Variants in AFF3 observed in about 807,000 individuals in gnomAD.
The protein encoded by AFF3 is ALF transcription elongation factor 3, also known as AF4/FMR2 family member 3.
A neutral mutation model predicts 129.7 loss-of-function variants in AFF3; 32 were observed. That is an observed-to-expected ratio of 0.25 (90% confidence interval 0.19 to 0.33). The LOEUF (loss-of-function observed/expected upper bound fraction) is 0.33, where lower values mean the gene tolerates loss of function less well. Ranked by LOEUF, AFF3 falls within the 10% of genes least tolerant of loss-of-function variation. The pLI, the probability that AFF3 is intolerant of heterozygous loss-of-function variation, is 1.00. For missense variants in AFF3, 1,373 were observed against 1,592.0 expected (o/e 0.86, Z 2.34); for synonymous variants, 644 against 635.4 (o/e 1.01, Z -0.20).
At chr2:99,691,350 C>A (rs1675632315) in intron 11 of AFF3, among the ~76,000 whole-genome samples, 2 of 152,310 alleles carry the variant, frequency 1.3e-5, no homozygotes, top group South Asian at 4.1e-4. Context: ...TGCTCCTGAA[C>A]TCCTGCAGCC....
chr2:99,554,851 C>T, intron 22 of AFF3, 119 bp from the exon 23 acceptor site: 1 of 1,144,912 alleles, frequency 8.7e-7, no homozygotes, highest in South Asian at 1.4e-5. Flanking sequence ...AGGAAAAAGG[C>T]ACCTTCAGAG....
intron 7 of AFF3, among the ~76,000 whole-genome samples, chr2:99,957,756 G>A (rs1028214244): frequency 6.6e-6 from 1 of 152,182 alleles, no homozygotes; most frequent in East Asian, 1.9e-4. Context: ...TTCACTGAAT[G>A]TGTGGAAACA....
At chr2:99,964,540 T>C (rs1677549011) in intron 7 of AFF3, among the ~76,000 whole-genome samples, 1 of 152,150 alleles carries the variant, frequency 6.6e-6, no homozygotes, top group African/African-American at 2.4e-5. Context: ...AAAAGTTATA[T>C]TTAAAAATCC....
chr2:99,583,828 G>A lies in AFF3; in HGVS notation c.2592-829C>T, dbSNP rs766381077. ...CTGCCTCAGCCTCCCGAGGACTCCCGAGTAGCTGGGATTACAGGTGCCTGC... is the reference window on the plus strand; with the variant it reads ...CTGCCTCAGCCTCCCGAGGACTCCCAAGTAGCTGGGATTACAGGTGCCTGC... On this transcript the variant is annotated intron_variant, in intron 16 of 24. Transcript: ENST00000672756. Among the ~76,000 whole-genome samples the A allele has an allele frequency of 3.8e-4, 58 of 152,122 alleles. 1 individual carries two copies. The highest frequency in any genetic ancestry group is 2.4e-3 in the Admixed American group (37 of 15,264).
intron 11 of AFF3, among the ~76,000 whole-genome samples, chr2:99,697,494 TGAGGAA>T (rs1369288510): frequency 6.6e-6 from 1 of 152,222 alleles, no homozygotes; most frequent in East Asian, 1.9e-4. Flanking sequence ...GCAAATATAG[TGAGGAA>T]GAGCAATTTG....
intron 13 of AFF3, among the ~76,000 whole-genome samples, chr2:99,644,911 C>A (rs995356133): frequency 2.0e-5 from 3 of 152,164 alleles, no homozygotes; most frequent in African/African-American, 7.2e-5. Flanking sequence ...TCTCTACTAA[C>A]CAGCATCAAA....
At chr2:100,133,078 C>T (rs1263276394) in intron 1 of AFF3, among the ~76,000 whole-genome samples, 3 of 151,732 alleles carry the variant, frequency 2.0e-5, no homozygotes, top group Non-Finnish European at 2.9e-5. Context: ...CAGGCATGCA[C>T]TACCATACCT....
At chr2:99,984,697 C>G (rs1576481516) in intron 7 of AFF3, among the ~76,000 whole-genome samples, 1 of 152,192 alleles carries the variant, frequency 6.6e-6, no homozygotes, top group African/African-American at 2.4e-5. Flanking sequence ...CACCAACCCC[C>G]CAACCCCATC....
Position 99,648,000 on chromosome 2 carries a change from T to C in AFF3, c.1184+1626A>G, listed in dbSNP as rs144424688. ...TGTTTTGGGAAGAAATCTTCGAATGTATCAGTCCTAGTTTCTGATGAATTG... is the reference window on the plus strand; with the variant it reads ...TGTTTTGGGAAGAAATCTTCGAATGCATCAGTCCTAGTTTCTGATGAATTG... On this transcript the variant is annotated intron_variant, in intron 13 of 24. Transcript: ENST00000672756. 2.2e-3 allele frequency among the ~76,000 whole-genome samples: 335 copies of C among 152,372 alleles called. 3 individuals carry two copies. The highest frequency in any genetic ancestry group is 7.7e-3 in the African/African-American group (319 of 41,596).
intron 14 of AFF3, among the ~76,000 whole-genome samples, chr2:99,599,208 A>G (rs951883503): frequency 6.6e-6 from 1 of 152,240 alleles, no homozygotes; most frequent in African/African-American, 2.4e-5. Context: ...TCTCAGTGAC[A>G]TTTAGAAAGC....
At chr2:99,761,185 C>CA (rs1682558878) in intron 8 of AFF3, among the ~76,000 whole-genome samples, 1 of 138,322 alleles carries the variant, frequency 7.2e-6, no homozygotes, top group African/African-American at 2.6e-5. Flanking sequence ...CAGGTGACTT[C>CA]TTTTTTTTTT....
chr2:99,707,820 G>C (rs1051510006), intron 11 of AFF3, among the ~76,000 whole-genome samples: 1 of 151,446 alleles, frequency 6.6e-6, no homozygotes, highest in African/African-American at 2.4e-5. Context: ...TATTTTGGTT[G>C]GCAGATTGCC....
chr2:100,131,618 C>G (rs1692432333), intron 1 of AFF3, among the ~76,000 whole-genome samples: 1 of 152,034 alleles, frequency 6.6e-6, no homozygotes, highest in Non-Finnish European at 1.5e-5. Flanking sequence ...TACCACCACA[C>G]CCGGCTAATT....
At chr2:99,964,743 T>C (rs923292503) in intron 7 of AFF3, among the ~76,000 whole-genome samples, 1 of 152,196 alleles carries the variant, frequency 6.6e-6, no homozygotes, top group African/African-American at 2.4e-5. Context: ...TTATGCACCA[T>C]GATTTATTTA....
At chr2:99,681,433 C>A (rs78916929) in intron 11 of AFF3, among the ~76,000 whole-genome samples, 1 of 152,190 alleles carries the variant, frequency 6.6e-6, no homozygotes. Flanking sequence ...GGATTGGCCA[C>A]AGGCATCAGG....
chr2:99,796,863 T>C (rs918338104), intron 8 of AFF3, among the ~76,000 whole-genome samples: 1 of 152,194 alleles, frequency 6.6e-6, no homozygotes, highest in African/African-American at 2.4e-5. Context: ...TAACAGGGCA[T>C]TGGATAGAGC....
At chr2:99,679,145 ACT>A (rs1475841304) in intron 11 of AFF3, among the ~76,000 whole-genome samples, 1 of 152,028 alleles carries the variant, frequency 6.6e-6, no homozygotes, top group Admixed American at 6.6e-5. Context: ...AGTGTTTCCA[ACT>A]CTGATGTTTT....
chr2:99,963,481 G>A lies in AFF3; in HGVS notation c.873+43151C>T, dbSNP rs556433831. ...GAGGAAAGGATAAAGATACCCAAAT[G>A]GCAGTCAGGTTTCTACATTCTACAC... On this transcript the variant is annotated intron_variant, in intron 7 of 24. Transcript: ENST00000672756. Among the ~76,000 whole-genome samples, 9 of 152,168 alleles carry A rather than the reference G, an allele frequency of 5.9e-5. No homozygotes were observed. The South Asian group carries it at 1.7e-3, about 28-fold the overall frequency.
At chr2:99,652,908 A>G (rs1435483056) in intron 12 of AFF3, among the ~76,000 whole-genome samples, 3 of 152,190 alleles carry the variant, frequency 2.0e-5, no homozygotes, top group African/African-American at 7.2e-5. Flanking sequence ...CTTGATAAGG[A>G]GAGCTGAGGG....
Sources: gnomAD v4.1 joint callset for allele counts (sites outside exome capture counted in the v4.1 genomes callset) on GRCh38, gnomAD v4.1.1 for gene constraint, MANE v1.5 for transcripts, NCBI Gene and HGNC (gene_info 2026-07-23, HGNC 2026-07-21) for gene names.